CFAP77: variants seen among roughly 807,000 people sequenced by gnomAD.
CFAP77 encodes cilia- and flagella-associated protein 77.
In CFAP77, 25 loss-of-function variants were observed where a neutral mutation model predicts 31.1. The observed-to-expected ratio is 0.80, with a 90% confidence interval of 0.59 to 1.12. The LOEUF is 1.12. CFAP77 is among the 50% of genes most tolerant of loss of function. The pLI, the probability that CFAP77 is intolerant of heterozygous loss-of-function variation, is 0.00. For missense variants in CFAP77, 377 were observed against 397.3 expected, an observed-to-expected ratio of 0.95 and a Z score of 0.44; for synonymous variants, 151 against 159.9, an observed-to-expected ratio of 0.94 and a Z score of 0.42.
rs546721659 is a variant in CFAP77, at chr9:132,424,101, A to G, written c.195+13635A>G. On this transcript the variant is annotated intron_variant, in intron 1 of 5. Coordinates refer to ENST00000393216, the MANE Select transcript of CFAP77 (RefSeq NM_001282957.2). The surrounding 1 kb of genome is among the most constrained non-coding windows in gnomAD (Gnocchi z 4.1). The stretch of plus-strand genomic sequence containing the variant: ...TGAAACCAATGCAGCCAAGACATCC[A>G]TGGCTGTTAAAAAAAGAGTTAGGAG... 2.0e-5 allele frequency among the ~76,000 whole-genome samples: 3 copies of G among 152,260 alleles called. No individual in the cohort carries two copies. The highest frequency in any genetic ancestry group is 2.9e-5 in the Non-Finnish European group (2 of 68,012).
intron 1 of CFAP77, among the ~76,000 whole-genome samples, chr9:132,429,107 T>G (rs1359709759): frequency 6.6e-6 from 1 of 150,418 alleles, no homozygotes; most frequent in Non-Finnish European, 1.5e-5. Context: ...ATTTGCCATT[T>G]CCTAAATATT....
At position 132,499,356 on chromosome 9, in the gene CFAP77, C is replaced by T; in HGVS notation, c.296-16C>T. Reference sequence around the variant, plus strand: ...CCAGGCTGACCACTGCCCCGTGGGTCTCTCCCTGCCCTCAGCCATCGGACG... The same window carrying T: ...CCAGGCTGACCACTGCCCCGTGGGTTTCTCCCTGCCCTCAGCCATCGGACG... On this transcript the variant is annotated splice_polypyrimidine_tract_variant and intron_variant, in intron 2 of 5. Coordinates refer to ENST00000393216, the MANE Select transcript of CFAP77 (RefSeq NM_001282957.2). The surrounding 1 kb of genome is among the most constrained non-coding windows in gnomAD (Gnocchi z 5.4). 20 of 1,612,310 alleles carry T rather than the reference C, an allele frequency of 1.2e-5. No individual in the cohort carries two copies. The highest frequency in any genetic ancestry group is 1.7e-5 in the Non-Finnish European group (20 of 1,178,898).
intron 1 of CFAP77, among the ~76,000 whole-genome samples, chr9:132,425,825 C>T (rs1227231622): frequency 6.6e-6 from 1 of 152,202 alleles, no homozygotes; most frequent in African/African-American, 2.4e-5. Context: ...TAATTTCCCA[C>T]TGTGTTAGAA....
At chr9:132,431,545 C>T (rs1186024515) in intron 1 of CFAP77, among the ~76,000 whole-genome samples, 1 of 152,060 alleles carries the variant, frequency 6.6e-6, no homozygotes, top group African/African-American at 2.4e-5. Flanking sequence ...CAAAAAGTAA[C>T]CCACAGGAAT....
At chr9:132,477,454 C>G (rs141895253) in intron 1 of CFAP77, among the ~76,000 whole-genome samples, 392 of 152,298 alleles carry the variant, frequency 2.6e-3, no homozygotes, top group African/African-American at 9.2e-3. Flanking sequence ...CAGTAGAATA[C>G]ATAGCGAGTT....
intron 1 of CFAP77, among the ~76,000 whole-genome samples, chr9:132,415,567 C>G (rs1207316204): frequency 6.6e-6 from 1 of 152,224 alleles, no homozygotes; most frequent in East Asian, 1.9e-4. Context: ...TCAGCACTTT[C>G]CTATTACGTG....
At position 132,497,597 on chromosome 9, in the gene CFAP77, TGGGGGCAGCCAGCCTGG is replaced by T. The variant is rs1851765747; in HGVS notation, c.196-1096_196-1080del. On this transcript the variant is annotated intron_variant, in intron 1 of 5. Coordinates refer to ENST00000393216, the MANE Select transcript of CFAP77 (RefSeq NM_001282957.2). The surrounding 1 kb of genome is among the most constrained non-coding windows in gnomAD (Gnocchi z 4.9). The stretch of plus-strand genomic sequence containing the variant: ...TTGGCTTGTGGATCTGAGCATGAGC[TGGGGGCAGCCAGCCTGG>T]GTTCCAGTCCCAGCTCTGCCACTTC... Among the ~76,000 whole-genome samples the T allele has an allele frequency of 6.6e-6, 1 of 152,118 alleles. No individual in the cohort carries two copies. Among genetic ancestry groups the T allele is most frequent in the African/African-American group, 2.4e-5 (1 of 41,416 alleles).
chr9:132,532,568 C>A (rs771544624), intron 3 of CFAP77, among the ~76,000 whole-genome samples: 9 of 152,186 alleles, frequency 5.9e-5, no homozygotes, highest in Non-Finnish European at 1.2e-4. Context: ...AAGTTTAAGA[C>A]CACCACGCAG....
At chr9:132,416,637 T>C (rs6597574) in intron 1 of CFAP77, among the ~76,000 whole-genome samples, 144,015 of 148,410 alleles carry the variant, frequency 0.97, 70,044 homozygotes, top group Non-Finnish European at 1. Flanking sequence ...ACCACCACAC[T>C]GGGCTTTTTT....
intron 3 of CFAP77, among the ~76,000 whole-genome samples, chr9:132,526,558 A>C (rs1453709649): frequency 2.0e-5 from 3 of 150,222 alleles, no homozygotes; most frequent in Non-Finnish European, 3.0e-5. Context: ...AAAACTAAAC[A>C]CCAGGAGCTG....
chr9:132,572,617 C>T lies in CFAP77; in HGVS notation c.*107C>T, dbSNP rs1225711258. 1 of 1,168,032 alleles carries T rather than the reference C, an allele frequency of 8.6e-7. No individual in the cohort carries two copies. The highest frequency in any genetic ancestry group is 1.2e-6 in the Non-Finnish European group (1 of 840,838). The allele number at this position is 1,168,032 out of a possible 1,614,324, so 72.4% of individuals were successfully genotyped here. On this transcript the variant is annotated 3_prime_UTR_variant, in exon 6 of 6. Coordinates refer to ENST00000393216, the MANE Select transcript of CFAP77 (RefSeq NM_001282957.2). ...ACATTCCCCCATTTTTATGCAGGTT[C>T]TGCTTCAAGGAGCTCAGATTCAAGT... is the stretch of plus-strand genomic sequence containing the variant.
chr9:132,458,030 C>G (rs1017124648), intron 1 of CFAP77, among the ~76,000 whole-genome samples: 1 of 152,190 alleles, frequency 6.6e-6, no homozygotes, highest in Non-Finnish European at 1.5e-5. Context: ...GCCTCCCTCC[C>G]TCGTCATATT....
At position 132,498,735 on chromosome 9, in the gene CFAP77, C is replaced by T. The variant is rs935624048; in HGVS notation, c.236C>T (p.Pro79Leu). 3 of 1,612,580 alleles carry T rather than the reference C, an allele frequency of 1.9e-6. No individual in the cohort carries two copies. In the African/African-American group the frequency reaches 4.0e-5, roughly 22 times the overall value. Residue 79 changes from proline to leucine, a missense_variant, in exon 2 of 6, where the codon CCC becomes CTC. By Grantham distance (98) the Pro-to-Leu change is moderately conservative (BLOSUM62 -3). Transcript: ENST00000393216. The surrounding 1 kb of genome is among the most constrained non-coding windows in gnomAD (Gnocchi z 4.2). ...GKPRERSYSL[P>L]GINFNYGLYI... ...CCCCGGGAAAGAAGCTACAGTCTGC[C>T]CGGCATTAATTTTAATTATGGACTC...
chr9:132,432,451 G>A (rs1409438490), intron 1 of CFAP77, among the ~76,000 whole-genome samples: 1 of 152,056 alleles, frequency 6.6e-6, no homozygotes, highest in African/African-American at 2.4e-5. Flanking sequence ...ACTTGGACAG[G>A]TCTGCAGTTT....
At chr9:132,535,112 T>C (rs938913262) in intron 3 of CFAP77, among the ~76,000 whole-genome samples, 3 of 152,216 alleles carry the variant, frequency 2.0e-5, no homozygotes, top group Non-Finnish European at 2.9e-5. Flanking sequence ...TGGACAGAGA[T>C]AGGGATAGGA....
rs200346486 is a variant in CFAP77, at chr9:132,485,669, A to G, written c.196-13026A>G. ...AACCCCACACAGTGGATAACCCACCAAACAGACAAGTGACACTTGACTGCA... is the reference window on the plus strand; with the variant it reads ...AACCCCACACAGTGGATAACCCACCGAACAGACAAGTGACACTTGACTGCA... On this transcript the variant is annotated intron_variant, in intron 1 of 5. Transcript: ENST00000393216. Among the ~76,000 whole-genome samples, 32 of 152,248 alleles carry G rather than the reference A, an allele frequency of 2.1e-4. No homozygotes were observed. The East Asian group carries it at 5.2e-3, about 25-fold the overall frequency.
Position 132,499,406 on chromosome 9 carries a change from C to T in CFAP77, c.330C>T (p.Pro110=), listed in dbSNP as rs1564228983. 1 of 1,614,224 alleles carries T rather than the reference C, an allele frequency of 6.2e-7. No individual in the cohort carries two copies. The highest frequency in any genetic ancestry group is 1.1e-5 in the South Asian group (1 of 91,088). Residue 110 remains proline, a synonymous_variant, in exon 3 of 6, where the codon CCC becomes CCT. Coordinates refer to ENST00000393216, the MANE Select transcript of CFAP77 (RefSeq NM_001282957.2). The surrounding 1 kb of genome is among the most constrained non-coding windows in gnomAD (Gnocchi z 5.4). ...GCTGGAACGTGTTCAAGCAGCAGCC[C>T]ACCTGCCCCCACGAGCTGACCCGGA... ...IGRWNVFKQQ[P]TCPHELTRNY...
chr9:132,524,909 A>G (rs1330898026), intron 3 of CFAP77, among the ~76,000 whole-genome samples: 1 of 149,160 alleles, frequency 6.7e-6, no homozygotes, highest in Non-Finnish European at 1.5e-5. Flanking sequence ...TGGCCTTCCA[A>G]AGTGCTGGGA....
In CFAP77 at chr9:132,571,417, C is replaced by T. The variant is rs192789150; in HGVS notation, c.733-971C>T. Among the ~76,000 whole-genome samples the T allele has an allele frequency of 5.6e-3, 856 of 152,292 alleles. 5 individuals are homozygous for T. Among genetic ancestry groups the T allele is most frequent in the Non-Finnish European group, 8.3e-3 (565 of 68,022 alleles). On this transcript the variant is annotated intron_variant, in intron 5 of 5. Transcript: ENST00000393216. ...CCACCCAATTTGTTCTCACTGCGCACTCCCCAGCCTTCTGTCCATTGTAAT... is the reference window on the plus strand; with the variant it reads ...CCACCCAATTTGTTCTCACTGCGCATTCCCCAGCCTTCTGTCCATTGTAAT...
Sources: allele counts gnomAD v4.1 joint callset (sites outside exome capture counted in the v4.1 genomes callset), GRCh38; gene constraint gnomAD v4.1.1; non-coding constraint Gnocchi (gnomAD v3.1); transcripts MANE v1.5; gene names NCBI Gene and HGNC (gene_info 2026-07-23, HGNC 2026-07-21).